Variants in C8orf34 observed in about 807,000 individuals in gnomAD.
C8orf34 encodes chromosome 8 open reading frame 34.
Under a neutral mutation model 68.3 loss-of-function variants are expected in C8orf34, and 65 were observed. The observed-to-expected ratio is 0.95, with a 90% CI of 0.78 to 1.17. The LOEUF (loss-of-function observed/expected upper bound fraction) is 1.17, where lower values mean the gene tolerates loss of function less well. C8orf34 is among the 50% of genes most tolerant of loss of function. The probability of loss-of-function intolerance (pLI) is 0.00; values close to 1 mark genes in which losing one functional copy is unlikely to be tolerated. For missense variants in C8orf34, 664 were observed against 655.4 expected (o/e 1.01, Z -0.14); for synonymous variants, 244 against 241.2 (o/e 1.01, Z -0.11).
chr8:68,792,431 G>A (rs10957448), intron 12 of C8orf34: 22,376 of 151,524 alleles, frequency 0.15, 2,399 homozygotes, highest in East Asian at 0.48. Flanking sequence ...AATTAGTCGG[G>A]CGTGGTGGCA....
intron 8 of C8orf34, among the ~76,000 whole-genome samples, chr8:68,691,181 G>A (rs765308412): frequency 6.6e-6 from 1 of 152,042 alleles, no homozygotes; most frequent in Non-Finnish European, 1.5e-5. Context: ...TTATTGAGCT[G>A]TGAAGATACT....
chr8:68,391,245 A>G (rs1471876133), intron 1 of C8orf34, among the ~76,000 whole-genome samples: 1 of 152,166 alleles, frequency 6.6e-6, no homozygotes, highest in African/African-American at 2.4e-5. Flanking sequence ...TAATCCTAAA[A>G]AGGATGATAC....
intron 1 of C8orf34, among the ~76,000 whole-genome samples, chr8:68,362,032 C>T (rs996852584): frequency 5.9e-5 from 9 of 152,126 alleles, no homozygotes; most frequent in Non-Finnish European, 1.0e-4. Flanking sequence ...TTATTTGTAA[C>T]GTAAGAGTCC....
At chr8:68,542,274 A>C (rs1022439694) in intron 7 of C8orf34, among the ~76,000 whole-genome samples, 2 of 152,232 alleles carry the variant, frequency 1.3e-5, no homozygotes, top group Admixed American at 1.3e-4. Flanking sequence ...CAGGCTATAC[A>C]CTACCTTTGT....
chr8:68,554,056 A>G (rs1563526716), intron 7 of C8orf34, among the ~76,000 whole-genome samples: 1 of 152,132 alleles, frequency 6.6e-6, no homozygotes, highest in Non-Finnish European at 1.5e-5. Context: ...CCTCAAGTCA[A>G]ATTGGTTAGC....
intron 7 of C8orf34, among the ~76,000 whole-genome samples, chr8:68,568,250 C>T (rs540192005): frequency 9.2e-5 from 14 of 151,936 alleles, no homozygotes; most frequent in Admixed American, 2.0e-4. Flanking sequence ...TAGAGTAGGA[C>T]TTAAAATTTC....
At chr8:68,455,588 T>C (rs1811511315) in intron 3 of C8orf34, among the ~76,000 whole-genome samples, 1 of 152,174 alleles carries the variant, frequency 6.6e-6, no homozygotes, top group African/African-American at 2.4e-5. Flanking sequence ...GCATGGAATA[T>C]CTTTTGATCA....
rs781099468 is a variant in C8orf34, at chr8:68,439,480, T to G, written c.328-19T>G. On this transcript the variant is annotated intron_variant, in intron 1 of 13. Transcript: ENST00000518698. ...GCTGTTATTATTAATTATAATTGTG[T>G]GCTCTATTCTGCCTTCAGGAATTAA... 1.9e-6 allele frequency: 3 copies of G among 1,606,758 alleles called. No homozygotes were observed. The highest frequency in any genetic ancestry group is 2.5e-6 in the Non-Finnish European group (3 of 1,177,400).
chr8:68,494,313 A>G (rs940662270), intron 5 of C8orf34, among the ~76,000 whole-genome samples: 2 of 152,248 alleles, frequency 1.3e-5, no homozygotes, highest in Non-Finnish European at 2.9e-5. Flanking sequence ...TATATGAAGT[A>G]TTTAGAGTAA....
At chr8:68,811,784 A>G (rs972396925) in intron 12 of C8orf34, among the ~76,000 whole-genome samples, 29 of 152,254 alleles carry the variant, frequency 1.9e-4, no homozygotes, top group Non-Finnish European at 2.4e-4. Context: ...GTGGTATCTT[A>G]TTTAATCCCT....
At chr8:68,417,969 T>C (rs1329725269) in intron 1 of C8orf34, among the ~76,000 whole-genome samples, 1 of 150,934 alleles carries the variant, frequency 6.6e-6, no homozygotes, top group Non-Finnish European at 1.5e-5. Context: ...TTTTATTTCC[T>C]TGAGCAGTGG....
At chr8:68,391,290 A>G (rs976464408) in intron 1 of C8orf34, among the ~76,000 whole-genome samples, 1 of 152,180 alleles carries the variant, frequency 6.6e-6, no homozygotes, top group African/African-American at 2.4e-5. Context: ...CACAAGCCCA[A>G]GAGCCAAGCC....
intron 9 of C8orf34, among the ~76,000 whole-genome samples, chr8:68,714,131 G>T (rs2130978355): frequency 6.6e-6 from 1 of 152,192 alleles, no homozygotes; most frequent in African/African-American, 2.4e-5. Flanking sequence ...GGTATAGAAG[G>T]TTCATACCTT....
intron 2 of C8orf34, among the ~76,000 whole-genome samples, chr8:68,443,141 C>T (rs540719560): frequency 3.3e-5 from 5 of 152,008 alleles, no homozygotes; most frequent in Non-Finnish European, 5.9e-5. Context: ...GAGGAGGGAA[C>T]GCTATTGTGG....
chr8:68,711,006 C>T (rs935311873), intron 9 of C8orf34, among the ~76,000 whole-genome samples: 2 of 152,172 alleles, frequency 1.3e-5, no homozygotes, highest in African/African-American at 4.8e-5. Flanking sequence ...TTTGCAGACA[C>T]TCCCCAGTAC....
intron 3 of C8orf34, among the ~76,000 whole-genome samples, chr8:68,464,814 G>T (rs1812031924): frequency 6.6e-6 from 1 of 152,138 alleles, no homozygotes; most frequent in South Asian, 2.1e-4. Context: ...ATGGATTAAA[G>T]ACTTAAATGT....
At chr8:68,657,489 T>C (rs1819542017) in intron 8 of C8orf34, among the ~76,000 whole-genome samples, 1 of 152,174 alleles carries the variant, frequency 6.6e-6, no homozygotes, top group Non-Finnish European at 1.5e-5. Flanking sequence ...TGATTTAGAC[T>C]TCCCAGTCTA....
chr8:68,516,377 C>A (rs933924844), intron 5 of C8orf34, among the ~76,000 whole-genome samples: 3 of 152,134 alleles, frequency 2.0e-5, no homozygotes, highest in African/African-American at 4.8e-5. Context: ...ATGATCTCAG[C>A]CTTCCATAAA....
chr8:68,647,993 C>T (rs904105260), intron 8 of C8orf34, among the ~76,000 whole-genome samples: 17 of 152,134 alleles, frequency 1.1e-4, no homozygotes, highest in Admixed American at 3.3e-4. Flanking sequence ...ATTTTATTTT[C>T]GCCCTTAGAT....
Sources: gnomAD v4.1 joint callset for allele counts (sites outside exome capture counted in the v4.1 genomes callset) on GRCh38, gnomAD v4.1.1 for gene constraint, MANE v1.5 for transcripts, NCBI Gene and HGNC (gene_info 2026-07-23, HGNC 2026-07-21) for gene names.